The following SLC3A1 variants were observed in gnomAD, a reference collection of about 807,000 sequenced individuals.
The protein encoded by SLC3A1 is solute carrier family 3 member 1.
SLC3A1 carries 78 observed loss-of-function variants against 60.3 expected under a neutral mutation model. The observed-to-expected ratio is 1.29, with a 90% CI of 1.08 to 1.56. The LOEUF is 1.56. Ranked by LOEUF, SLC3A1 falls within the 40% of genes most tolerant of loss-of-function variation. SLC3A1 has a pLI of 0.00. For missense variants in SLC3A1, 1,172 were observed against 858.9 expected, an observed-to-expected ratio of 1.36 and a Z score of -4.56; for synonymous variants, 392 against 307.9, an observed-to-expected ratio of 1.27 and a Z score of -2.86.
intron 3 of SLC3A1, among the ~76,000 whole-genome samples, chr2:44,281,786 C>A (rs1052800898): frequency 6.6e-6 from 1 of 152,048 alleles, no homozygotes; most frequent in African/African-American, 2.4e-5. Context: ...ATTTTCTCTC[C>A]TTCCACCCTT....
At chr2:44,308,094 C>G (rs1238741480) in intron 7 of SLC3A1, among the ~76,000 whole-genome samples, 2 of 152,120 alleles carry the variant, frequency 1.3e-5, no homozygotes, top group Non-Finnish European at 2.9e-5. Flanking sequence ...TGATTACACT[C>G]CAGGGTGAAC....
At chr2:44,314,299 C>A in intron 9 of SLC3A1, 5 of 528,790 alleles carry the variant, frequency 9.5e-6, no homozygotes, top group Non-Finnish European at 1.4e-5. Context: ...GGGAGAGAGG[C>A]GAGTGGATAG....
chr2:44,280,740 T>G lies in SLC3A1; in HGVS notation c.455T>G (p.Ile152Ser). The change falls in exon 2 of 10, where the codon ATC becomes AGC. Residue 152 changes from isoleucine (I) to serine (S), a missense_variant. Transcript: ENST00000260649. ...LKGIQDKLDY[I>S]TALNIKTVWI... ...GGTATTCAAGATAAACTGGACTACA[T>G]CACAGCTTTAAATATAAAAACTGTT... The G allele has an allele frequency of 1.2e-6, 2 of 1,609,922 alleles. No individual in the cohort carries two copies. Among genetic ancestry groups the G allele is most frequent in the Non-Finnish European group, 1.7e-6 (2 of 1,176,210 alleles).
chr2:44,297,606 T>C (rs1216769498), intron 4 of SLC3A1, among the ~76,000 whole-genome samples: 1 of 152,192 alleles, frequency 6.6e-6, no homozygotes, highest in East Asian at 1.9e-4. Context: ...GTCCCACATG[T>C]CCCCAACTGT....
At chr2:44,318,239 C>A (rs1054619523) in intron 9 of SLC3A1, 2 of 333,152 alleles carry the variant, frequency 6.0e-6, no homozygotes, top group Non-Finnish European at 1.2e-5. Context: ...TACAGGTGCA[C>A]GTCATTATGC....
intron 4 of SLC3A1, among the ~76,000 whole-genome samples, chr2:44,288,598 T>A (rs562536012): frequency 9.8e-4 from 149 of 152,324 alleles, no homozygotes; most frequent in Admixed American, 1.8e-3. Context: ...GCTGCATAAT[T>A]TTACATTTCC....
chr2:44,301,123 T>C lies in SLC3A1; in HGVS notation c.1132T>C (p.Tyr378His), dbSNP rs760008251. The C allele has an allele frequency of 1.2e-6, 2 of 1,609,810 alleles. No individual in the cohort carries two copies. The highest frequency in any genetic ancestry group is 1.7e-6 in the Non-Finnish European group (2 of 1,179,102). ...CCAATACAGCACGGAGCCCGGCAGA[T>C]ACAGGTTGACCACGGCATATGCTCT... Reference protein sequence around the residue: ...MDQYSTEPGRYRFMGTEAYAE... With the variant: ...MDQYSTEPGRHRFMGTEAYAE... Residue 378 changes from tyrosine to histidine, a missense_variant, in exon 6 of 10, where the codon TAC becomes CAC. Transcript: ENST00000260649.
intron 7 of SLC3A1, among the ~76,000 whole-genome samples, chr2:44,309,298 G>C (rs750293484): frequency 2.0e-5 from 3 of 152,020 alleles, no homozygotes; most frequent in Non-Finnish European, 4.4e-5. Flanking sequence ...CATATAAGTG[G>C]AATCATAACA....
intron 7 of SLC3A1, among the ~76,000 whole-genome samples, chr2:44,305,732 CCTTTCTTTAATATATTATAAATGTA>C (rs776895486): frequency 2.8e-4 from 42 of 151,974 alleles, no homozygotes; most frequent in Non-Finnish European, 2.4e-4. Context: ...CCTGGCCCTT[CCTTTCTTTAATATATTATAAATGTA>C]AACTCTAAAA....
Position 44,320,562 on chromosome 2 carries a change from G to C in SLC3A1, c.1981G>C (p.Ala661Pro). Residue 661 changes from alanine (A) to proline (P), a missense_variant, in exon 10 of 10, where the codon GCT (alanine) becomes CCT (proline). By Grantham distance (27) the Ala-to-Pro change is conservative. Coordinates refer to ENST00000260649, the MANE Select transcript of SLC3A1 (RefSeq NM_000341.4). ...GAAGAATCTCCTTCATCGCCAAACA[G>C]CTTTCAGAGATAGATGCTTTGTTTC... is the stretch of plus-strand genomic sequence containing the variant. ...NTKNLLHRQT[A>P]FRDRCFVSNR... The C allele has an allele frequency of 6.2e-7, 1 of 1,614,044 alleles. No homozygotes were observed. Among genetic ancestry groups the C allele is most frequent in the Non-Finnish European group, 8.5e-7 (1 of 1,179,938 alleles).
At chr2:44,279,889 T>C (rs1305190558) in intron 1 of SLC3A1, among the ~76,000 whole-genome samples, 1 of 152,092 alleles carries the variant, frequency 6.6e-6, no homozygotes, top group East Asian at 1.9e-4. Context: ...ATGAGATTTT[T>C]ACATTCTTTC....
At chr2:44,301,584 C>A (rs980825108) in intron 6 of SLC3A1, among the ~76,000 whole-genome samples, 18 of 151,644 alleles carry the variant, frequency 1.2e-4, no homozygotes, top group African/African-American at 4.4e-4. Context: ...ACTAAAAATA[C>A]AAAAATTAGC....
intron 7 of SLC3A1, among the ~76,000 whole-genome samples, chr2:44,307,443 T>C (rs1232509350): frequency 6.6e-6 from 1 of 152,212 alleles, no homozygotes; most frequent in East Asian, 1.9e-4. Flanking sequence ...GTTACTCCAT[T>C]TTACATTCCC....
rs549888282 is a variant in SLC3A1, at chr2:44,275,833, C to T, written c.298C>T (p.Leu100Phe). Residue 100 changes from leucine to phenylalanine, a missense_variant, in exon 1 of 10, where the codon CTC (leucine) becomes TTC (phenylalanine). Transcript: ENST00000260649. ...FWLTVASVLV[L>F]IAATIAIIAL... ...GCTCACAGTGGCTTCTGTGCTGGTG[C>T]TCATCGCGGCCACCATAGCCATCAT... The T allele has an allele frequency of 8.1e-6, 13 of 1,614,252 alleles. No individual in the cohort carries two copies. The South Asian group carries it at 1.2e-4, about 15-fold the overall frequency.
At chr2:44,292,914 C>T (rs80030652) in intron 4 of SLC3A1, among the ~76,000 whole-genome samples, 2,238 of 151,812 alleles carry the variant, frequency 0.015, 32 homozygotes, top group Non-Finnish European at 0.025. Flanking sequence ...TTTGAGAAAT[C>T]AGTCTGGTTT....
In SLC3A1 at chr2:44,275,492, C is replaced by T; in HGVS notation, c.-44C>T. The T allele has an allele frequency of 6.6e-7, 1 of 1,510,844 alleles. No homozygotes were observed. Among genetic ancestry groups the T allele is most frequent in the Non-Finnish European group, 9.2e-7 (1 of 1,089,960 alleles). The allele number at this position is 1,510,844 out of a possible 1,614,324, so 93.6% of individuals were successfully genotyped here. ...CATTCAGCAAGCCACTCTTCCACCTCCCTTACTGCAGGAAGGCACTCCGAA... is the reference window on the plus strand; with the variant it reads ...CATTCAGCAAGCCACTCTTCCACCTTCCTTACTGCAGGAAGGCACTCCGAA... On this transcript the variant is annotated 5_prime_UTR_variant, in exon 1 of 10. Coordinates refer to ENST00000260649, the MANE Select transcript of SLC3A1 (RefSeq NM_000341.4).
At chr2:44,298,761 G>T (rs576205087) in intron 4 of SLC3A1, among the ~76,000 whole-genome samples, 2 of 152,322 alleles carry the variant, frequency 1.3e-5, no homozygotes, top group South Asian at 4.1e-4. Context: ...AGCCCACGAT[G>T]ATGCTCTCAG....
At chr2:44,307,814 C>T (rs1174028600) in intron 7 of SLC3A1, among the ~76,000 whole-genome samples, 1 of 152,102 alleles carries the variant, frequency 6.6e-6, no homozygotes. Context: ...CCTTGAAAAG[C>T]ACAGAAGTTT....
chr2:44,308,628 TTAG>T (rs1255318744), intron 7 of SLC3A1, among the ~76,000 whole-genome samples: 1 of 152,228 alleles, frequency 6.6e-6, no homozygotes, highest in Non-Finnish European at 1.5e-5. Context: ...TTCTTCATTA[TTAG>T]TGTATAGAAA....
Sources: gnomAD v4.1 joint callset for allele counts (sites outside exome capture counted in the v4.1 genomes callset) on GRCh38, gnomAD v4.1.1 for gene constraint, MANE v1.5 for transcripts, NCBI Gene and HGNC (gene_info 2026-07-23, HGNC 2026-07-21) for gene names.